Variants in MMP13 observed in about 807,000 individuals in gnomAD.
The protein encoded by MMP13 is collagenase 3.
A neutral mutation model predicts 52.1 loss-of-function variants in MMP13; 45 were observed. The observed-to-expected ratio is 0.86, with a 90% confidence interval of 0.68 to 1.11. MMP13 has a LOEUF of 1.11. MMP13 is among the 50% of genes least tolerant of loss of function. The pLI, the probability that MMP13 is intolerant of heterozygous loss-of-function variation, is 0.00. For missense variants in MMP13, 576 were observed against 583.8 expected, an observed-to-expected ratio of 0.99 and a Z score of 0.14; for synonymous variants, 200 against 204.4, an observed-to-expected ratio of 0.98 and a Z score of 0.18.
In MMP13 at chr11:102,954,154, A is replaced by T. The variant is rs1349879851; in HGVS notation, c.637+2T>A. 1.2e-6 allele frequency: 2 copies of T among 1,613,354 alleles called. No individual in the cohort carries two copies. Among genetic ancestry groups the T allele is most frequent in the Admixed American group, 1.7e-5 (1 of 59,928 alleles). Reference sequence around the variant, plus strand: ...AAATGATATCTTTATAAGAAACATTACCTTTGGAACTACTTGTCCAGGTTT... The same window carrying T: ...AAATGATATCTTTATAAGAAACATTTCCTTTGGAACTACTTGTCCAGGTTT... On this transcript the variant is annotated splice_donor_variant, in intron 4 of 9. Transcript: ENST00000260302. LOFTEE classifies it high-confidence loss of function.
rs1860629822 is a variant in MMP13, at chr11:102,952,545, TG to T, written c.638-373del. 6.6e-6 allele frequency among the ~76,000 whole-genome samples: 1 copy of T among 151,926 alleles called. No homozygotes were observed. Among genetic ancestry groups the T allele is most frequent in the Non-Finnish European group, 1.5e-5 (1 of 67,972 alleles). ...GACAGAGATTACCTTAAACGAGGAG[TG>T]GGGAAATCACATAGGGTGGTACCTA... On this transcript the variant is annotated intron_variant, in intron 4 of 9. Transcript: ENST00000260302. This position sits in a 1 kb window ranked among gnomAD's most constrained non-coding sequence, Gnocchi z 4.3.
chr11:102,946,744 A>G (rs1379765958), intron 8 of MMP13, among the ~76,000 whole-genome samples: 6 of 152,214 alleles, frequency 3.9e-5, no homozygotes, highest in African/African-American at 1.4e-4. Flanking sequence ...TGAACAATAT[A>G]CTTCTTATGG....
rs190896822 is a variant in MMP13, at chr11:102,945,747, T to C, written c.1214A>G (p.Tyr405Cys). The change falls in exon 9 of 10, where the codon TAT becomes TGT. Residue 405 changes from tyrosine to cysteine, a missense_variant and splice_region_variant. Physicochemically the swap from Tyr to Cys is radical, Grantham distance 194 (BLOSUM62 -2). Transcript: ENST00000260302. ...ATCCATAATATGGTTAGTATCATCA[T>C]ATCTATTTAAAGAAAAAAAACTCCT... ...LLFSGNQVWRYDDTNHIMDKD... is the reference protein window; with the variant it reads ...LLFSGNQVWRCDDTNHIMDKD... 233 of 1,531,586 alleles carry C rather than the reference T, an allele frequency of 1.5e-4. No homozygotes were observed. The highest frequency in any genetic ancestry group is 1.8e-4 in the Non-Finnish European group (196 of 1,108,564). The allele number at this position is 1,531,586 out of a possible 1,614,324, so 94.9% of individuals were successfully genotyped here.
chr11:102,950,028 G>T, intron 6 of MMP13, 82 bp downstream of exon 6: 1 of 1,194,506 alleles, frequency 8.4e-7, no homozygotes, highest in Non-Finnish European at 1.3e-6. Flanking sequence ...TTGGAAGTCT[G>T]ACAGGATGTT....
In MMP13 at chr11:102,947,990, G is replaced by T. The variant is rs1555016852; in HGVS notation, c.1112C>A (p.Ser371Tyr). 6.2e-7 allele frequency: 1 copy of T among 1,613,664 alleles called. No individual in the cohort carries two copies. Among genetic ancestry groups the T allele is most frequent in the Non-Finnish European group, 8.5e-7 (1 of 1,179,872 alleles). Residue 371 changes from serine to tyrosine, a missense_variant, in exon 8 of 10, where the codon TCT becomes TAT. Physicochemically the swap from Ser to Tyr is moderately radical, Grantham distance 144 (BLOSUM62 -2). Coordinates refer to ENST00000260302, the MANE Select transcript of MMP13 (RefSeq NM_002427.4). ...DILEGYPKKISELGLPKEVKK... is the reference protein window; with the variant it reads ...DILEGYPKKIYELGLPKEVKK... Reference sequence around the variant, plus strand: ...AACTTCTTTTGGAAGACCCAGTTCAGATATTTTTTTGGGATAACCTTCCAG... The same window carrying T: ...AACTTCTTTTGGAAGACCCAGTTCATATATTTTTTTGGGATAACCTTCCAG...
At position 102,955,311 on chromosome 11, in the gene MMP13, C is replaced by A. The variant is rs771541007; in HGVS notation, c.303G>T (p.Val101=). ...MKKPRCGVPD[V]GEYNVFPRTL... Reference sequence around the variant, plus strand: ...TTCGAGGGAAAACATTGTATTCACCCACATCAGGAACCCCGCATCTTGGCT... The same window carrying A: ...TTCGAGGGAAAACATTGTATTCACCAACATCAGGAACCCCGCATCTTGGCT... The change falls in exon 2 of 10, where the codon GTG becomes GTT. Residue 101 remains valine (V), a synonymous_variant. Coordinates refer to ENST00000260302, the MANE Select transcript of MMP13 (RefSeq NM_002427.4). The surrounding 1 kb of genome is among the most constrained non-coding windows in gnomAD (Gnocchi z 4.9). The A allele has an allele frequency of 3.1e-6, 5 of 1,613,792 alleles. No individual in the cohort carries two copies. In the South Asian group the frequency reaches 4.4e-5, roughly 14 times the overall value.
Position 102,949,572 on chromosome 11 carries a change from GTAAT to G in MMP13, c.918-418_918-415del, listed in dbSNP as rs1171804235. ...ACACCCCCCGCCCCACGAGTACAAT[GTAAT>G]TAGAGTTATAACAGAGGGGATAAAC... On this transcript the variant is annotated intron_variant, in intron 6 of 9. Transcript: ENST00000260302. This position sits in a 1 kb window ranked among gnomAD's most constrained non-coding sequence, Gnocchi z 4.2. Among the ~76,000 whole-genome samples, 4 of 152,122 alleles carry G rather than the reference GTAAT, an allele frequency of 2.6e-5. No homozygotes were observed. The highest frequency in any genetic ancestry group is 5.9e-5 in the Non-Finnish European group (4 of 68,016).
At chr11:102,944,500 T>G (rs1555016425) in intron 9 of MMP13, 134 bp from the exon 10 acceptor site, 7 of 585,952 alleles carry the variant, frequency 1.2e-5, no homozygotes, top group Non-Finnish European at 2.1e-5. Context: ...CTCTATTAGT[T>G]CTTTAATAGT....
Position 102,949,965 on chromosome 11 carries a change from G to A in MMP13, c.917+145C>T. 1.4e-6 allele frequency: 1 copy of A among 739,698 alleles called. No homozygotes were observed. Among genetic ancestry groups the A allele is most frequent in the Non-Finnish European group, 2.5e-6 (1 of 401,650 alleles). 45.8% of individuals were successfully genotyped at this position (739,698 alleles called of 1,614,324 possible). A position where few individuals can be genotyped will look rare whatever the true frequency, so the allele number is the denominator to read the frequency against. On this transcript the variant is annotated intron_variant, in intron 6 of 9. Transcript: ENST00000260302. The surrounding 1 kb of genome is among the most constrained non-coding windows in gnomAD (Gnocchi z 4.2). ...ACATTTATCCATCAGTCATTTATTT[G>A]ATCTGAAATATGTAAATAAACTGCC...
chr11:102,948,304 C>T (rs1555016912), intron 7 of MMP13, among the ~76,000 whole-genome samples: 2 of 152,026 alleles, frequency 1.3e-5, no homozygotes, highest in African/African-American at 4.8e-5. Context: ...AATTTATTAG[C>T]TCTGAATATT....
Position 102,955,284 on chromosome 11 carries a change from A to G in MMP13, c.330T>C (p.Thr110=). The change falls in exon 2 of 10, where the codon ACT becomes ACC. Residue 110 remains threonine, a synonymous_variant. Transcript: ENST00000260302. This position sits in a 1 kb window ranked among gnomAD's most constrained non-coding sequence, Gnocchi z 4.9. ...TTAAATTCATTTTGGACCATTTAAG[A>G]GTTCGAGGGAAAACATTGTATTCAC... ...DVGEYNVFPR[T]LKWSKMNLTY... 1.2e-6 allele frequency: 2 copies of G among 1,613,974 alleles called. No individual in the cohort carries two copies. The highest frequency in any genetic ancestry group is 1.7e-6 in the Non-Finnish European group (2 of 1,179,850).
At chr11:102,946,032 T>C (rs1261316179) in intron 8 of MMP13, among the ~76,000 whole-genome samples, 1 of 152,220 alleles carries the variant, frequency 6.6e-6, no homozygotes, top group Non-Finnish European at 1.5e-5. Context: ...AGTATGTCAT[T>C]AGGAACATGT....
chr11:102,953,455 A>G (rs530227140), intron 4 of MMP13, among the ~76,000 whole-genome samples: 5 of 152,300 alleles, frequency 3.3e-5, no homozygotes, highest in African/African-American at 9.6e-5. Flanking sequence ...TATGAAGACA[A>G]CATCTACTTG....
rs1860452272 is a variant in MMP13, at chr11:102,943,976, C to T, written c.*290G>A. 2.7e-6 allele frequency: 1 copy of T among 366,118 alleles called. No homozygotes were observed. Among genetic ancestry groups the T allele is most frequent in the Non-Finnish European group, 5.2e-6 (1 of 190,508 alleles). 22.7% of individuals were successfully genotyped at this position (366,118 alleles called of 1,614,324 possible). A position where few individuals can be genotyped will look rare whatever the true frequency, so the allele number is the denominator to read the frequency against. On this transcript the variant is annotated 3_prime_UTR_variant, in exon 10 of 10. Coordinates refer to ENST00000260302, the MANE Select transcript of MMP13 (RefSeq NM_002427.4). Reference sequence around the variant, plus strand: ...TATTTTTAAATTATGCTCTCATTGACAGACCATGTGTCCCATTTGTGGTGT... The same window carrying T: ...TATTTTTAAATTATGCTCTCATTGATAGACCATGTGTCCCATTTGTGGTGT...
intron 4 of MMP13, among the ~76,000 whole-genome samples, chr11:102,953,740 A>G (rs571870722): frequency 2.0e-5 from 3 of 152,326 alleles, no homozygotes; most frequent in African/African-American, 7.2e-5. Context: ...ACATATTTCT[A>G]CCAAGCAAAA....
chr11:102,954,746 A>ATTAATACAAAAAAT lies in MMP13; in HGVS notation c.363-141_363-140insATTTTTTGTATTAA, dbSNP rs1860669665. 1.0e-5 allele frequency: 9 copies of ATTAATACAAAAAAT among 872,398 alleles called. 1 individual carries two copies. The highest frequency in any genetic ancestry group is 2.6e-5 in the East Asian group (1 of 38,578). The allele number at this position is 872,398 out of a possible 1,614,324, so 54.0% of individuals were successfully genotyped here. A position where few individuals can be genotyped will look rare whatever the true frequency, so the allele number is the denominator to read the frequency against. On this transcript the variant is annotated intron_variant, in intron 2 of 9. Coordinates refer to ENST00000260302, the MANE Select transcript of MMP13 (RefSeq NM_002427.4). ...TACTAGAGGTTTATTGTTTCAAATA[A>ATTAATACAAAAAAT]TGTATTAATTATGATGCCATACAAG...
chr11:102,949,447 G>C lies in MMP13; in HGVS notation c.918-289C>G, dbSNP rs782402662. On this transcript the variant is annotated intron_variant, in intron 6 of 9. Coordinates refer to ENST00000260302, the MANE Select transcript of MMP13 (RefSeq NM_002427.4). This position sits in a 1 kb window ranked among gnomAD's most constrained non-coding sequence, Gnocchi z 4.2. ...ATTTTGGGTATCTTGCCAGGGGCAAGCAAATGTGCCAGGCATTGTGTTGGC... is the reference window on the plus strand; with the variant it reads ...ATTTTGGGTATCTTGCCAGGGGCAACCAAATGTGCCAGGCATTGTGTTGGC... Among the ~76,000 whole-genome samples, 5 of 152,152 alleles carry C rather than the reference G, an allele frequency of 3.3e-5. No homozygotes were observed. Among genetic ancestry groups the C allele is most frequent in the Admixed American group, 3.3e-4 (5 of 15,280 alleles).
chr11:102,946,214 C>A (rs551786068), intron 8 of MMP13, among the ~76,000 whole-genome samples: 63 of 152,260 alleles, frequency 4.1e-4, no homozygotes, highest in African/African-American at 1.5e-3. Flanking sequence ...TATGGTAATA[C>A]TAAAGGTAGG....
chr11:102,952,264 T>C lies in MMP13; in HGVS notation c.638-91A>G. 7.0e-7 allele frequency: 1 copy of C among 1,426,752 alleles called. No individual in the cohort carries two copies. Among genetic ancestry groups the C allele is most frequent in the Non-Finnish European group, 9.8e-7 (1 of 1,018,258 alleles). The allele number at this position is 1,426,752 out of a possible 1,614,324, so 88.4% of individuals were successfully genotyped here. On this transcript the variant is annotated intron_variant, in intron 4 of 9. Transcript: ENST00000260302. The surrounding 1 kb of genome is among the most constrained non-coding windows in gnomAD (Gnocchi z 4.3). The stretch of plus-strand genomic sequence containing the variant: ...TCATTTTATCTATCTGGTATGTTTC[T>C]TTCTTGGCTATATACTTTCTTTTCT...
Sources: gnomAD v4.1 joint callset for allele counts (sites outside exome capture counted in the v4.1 genomes callset) on GRCh38, gnomAD v4.1.1 for gene constraint, Gnocchi (gnomAD v3.1) non-coding constraint, MANE v1.5 for transcripts, NCBI Gene and HGNC (gene_info 2026-07-23, HGNC 2026-07-21) for gene names.